The following CES1 variants were observed in gnomAD, a reference collection of about 807,000 sequenced individuals.
CES1 encodes the protein carboxylesterase 1, also known as liver carboxylesterase 1.
In CES1, 50 loss-of-function variants were observed where a neutral mutation model predicts 53.0. That is an observed-to-expected ratio of 0.94 (90% confidence interval 0.75 to 1.19). CES1 has a LOEUF of 1.19. Ranked by LOEUF, CES1 falls within the 50% of genes most tolerant of loss-of-function variation. The pLI is 0.00. For missense variants in CES1, 534 were observed against 538.0 expected (o/e 0.99, Z 0.07); for synonymous variants, 202 against 210.1 (o/e 0.96, Z 0.33).
chr16:55,813,108 C>T (rs1478419809), intron 8 of CES1, 65 bp from the exon 9 acceptor site: 39 of 1,606,560 alleles, frequency 2.4e-5, no homozygotes, highest in Non-Finnish European at 2.8e-5. Flanking sequence ...CCCAACTCTG[C>T]CTGTCTGAGG....
intron 3 of CES1, among the ~76,000 whole-genome samples, chr16:55,825,119 C>T (rs1456800162): frequency 6.6e-6 from 1 of 152,220 alleles, no homozygotes; most frequent in African/African-American, 2.4e-5. Flanking sequence ...CATGTTCCTC[C>T]TTTCCCTGAA....
At chr16:55,832,745 G>C (rs184481080) in intron 1 of CES1, among the ~76,000 whole-genome samples, 217 of 152,322 alleles carry the variant, frequency 1.4e-3, no homozygotes, top group South Asian at 4.1e-3. Flanking sequence ...TCGTGTGTGC[G>C]GCCTGAGGTG....
chr16:55,816,805 G>A (rs1453627255), intron 8 of CES1, 119 bp downstream of exon 8: 9 of 1,282,166 alleles, frequency 7.0e-6, no homozygotes, highest in African/African-American at 1.5e-5. Flanking sequence ...CTGGGCCTCA[G>A]AAACAAACAC....
chr16:55,814,298 G>A (rs2142321746), intron 8 of CES1, among the ~76,000 whole-genome samples: 1 of 152,332 alleles, frequency 6.6e-6, no homozygotes, highest in African/African-American at 2.4e-5. Context: ...ACAGATTAGA[G>A]AGAGCCCAAC....
intron 1 of CES1, among the ~76,000 whole-genome samples, chr16:55,830,493 A>T (rs1179705233): frequency 2.6e-5 from 4 of 152,170 alleles, no homozygotes; most frequent in Non-Finnish European, 5.9e-5. Context: ...AAATATGATG[A>T]TGTCTAAAAG....
intron 4 of CES1, among the ~76,000 whole-genome samples, chr16:55,822,106 T>C (rs59132516): frequency 0.64 from 96,291 of 151,570 alleles, 33,221 homozygotes; most frequent in Non-Finnish European, 0.79. Context: ...TGAAAGAAAG[T>C]GTGAGTCAGG....
At chr16:55,808,618 C>A (rs1270532053) in intron 11 of CES1, among the ~76,000 whole-genome samples, 1 of 152,142 alleles carries the variant, frequency 6.6e-6, no homozygotes, top group African/African-American at 2.4e-5. Context: ...TTATTTACTT[C>A]TAAAAATAAT....
At chr16:55,809,276 A>C (rs1366436587) in intron 11 of CES1, among the ~76,000 whole-genome samples, 1 of 152,204 alleles carries the variant, frequency 6.6e-6, no homozygotes, top group Admixed American at 6.5e-5. Context: ...TCTTGGTTAA[A>C]GGTTTTTATC....
At chr16:55,829,229 G>A (rs1279370987) in intron 1 of CES1, among the ~76,000 whole-genome samples, 1 of 152,220 alleles carries the variant, frequency 6.6e-6, no homozygotes, top group Non-Finnish European at 1.5e-5. Flanking sequence ...GAGCTACTAG[G>A]AAAGAACAAG....
Position 55,810,919 on chromosome 16 carries a change from A to G in CES1, c.1170+8T>C, listed in dbSNP as rs757041040. On this transcript the variant is annotated splice_region_variant and intron_variant, in intron 10 of 13. Coordinates refer to ENST00000360526, the MANE Select transcript of CES1 (RefSeq NM_001025195.2). The stretch of plus-strand genomic sequence containing the variant: ...CTCAGCCAATTCCCATGATTCCTAG[A>G]CTCTTACAACAAGGGGATAGGACTT... The G allele has an allele frequency of 3.7e-6, 6 of 1,610,794 alleles. No individual in the cohort carries two copies. The highest frequency in any genetic ancestry group is 5.1e-6 in the Non-Finnish European group (6 of 1,177,736).
intron 4 of CES1, among the ~76,000 whole-genome samples, chr16:55,822,194 G>A (rs776719826): frequency 5.9e-5 from 9 of 152,232 alleles, no homozygotes; most frequent in Non-Finnish European, 1.2e-4. Flanking sequence ...GCCCCTGCAG[G>A]GTTTTGTGCA....
rs1388784202 is a variant in CES1, at chr16:55,826,146, C to T, written c.405+5G>A. The T allele has an allele frequency of 1.2e-6, 2 of 1,614,002 alleles. No homozygotes were observed. The highest frequency in any genetic ancestry group is 1.7e-6 in the Non-Finnish European group (2 of 1,179,862). On this transcript the variant is annotated splice_donor_5th_base_variant and intron_variant, in intron 3 of 13. Transcript: ENST00000360526. ...ACGCCTTGACCAGGGGGTCCCACAA[C>T]TTACCGGCAGCCTGTTTTTCTTGGT...
intron 3 of CES1, among the ~76,000 whole-genome samples, chr16:55,825,065 C>G (rs2032362728): frequency 1.3e-5 from 2 of 152,308 alleles, no homozygotes; most frequent in Admixed American, 1.3e-4. Context: ...CTCTACAGCC[C>G]AGAAGGCAAG....
chr16:55,808,959 T>G (rs1480638591), intron 11 of CES1, among the ~76,000 whole-genome samples: 3 of 152,092 alleles, frequency 2.0e-5, no homozygotes. Flanking sequence ...GATACATAGT[T>G]TCTTCTTTTT....
chr16:55,815,004 G>A (rs74019274), intron 8 of CES1, among the ~76,000 whole-genome samples: 2,908 of 152,340 alleles, frequency 0.019, 93 homozygotes, highest in African/African-American at 0.06. Context: ...GGCAGACTAC[G>A]TGGAAGAGAC....
Position 55,816,949 on chromosome 16 carries a change from A to G in CES1, c.920T>C (p.Leu307Pro). 6.2e-7 allele frequency: 1 copy of G among 1,614,172 alleles called. No individual in the cohort carries two copies. Among genetic ancestry groups the G allele is most frequent in the Non-Finnish European group, 8.5e-7 (1 of 1,180,006 alleles). Residue 307 changes from leucine (L) to proline (P), a missense_variant, in exon 8 of 14, where the codon CTG becomes CCG. By Grantham distance (98) the Leu-to-Pro change is moderately conservative. This residue lies in a region of CES1 where 269 missense variants were observed against 206.6 expected (regional missense o/e 1.30). Coordinates refer to ENST00000360526, the MANE Select transcript of CES1 (RefSeq NM_001025195.2). ...CTCTCTGGGGTCTCCCTGTAAGTCC[A>G]GAGATAAGAATTTCTGTGAAGACAA... ...ETTLKMKFLS[L>P]DLQGDPRESQ...
intron 3 of CES1, among the ~76,000 whole-genome samples, 198 bp downstream of exon 3, chr16:55,825,953 C>T (rs1451001862): frequency 2.6e-5 from 4 of 152,208 alleles, no homozygotes; most frequent in African/African-American, 9.7e-5. Flanking sequence ...GCAAAACAAA[C>T]TCCCCCAGAG....
At chr16:55,829,564 G>A (rs1166385401) in intron 1 of CES1, among the ~76,000 whole-genome samples, 1 of 152,256 alleles carries the variant, frequency 6.6e-6, no homozygotes, top group African/African-American at 2.4e-5. Context: ...ACACAGCAGA[G>A]AGAAGGGAAT....
At position 55,823,160 on chromosome 16, in the gene CES1, T is replaced by G. The variant is rs546158494; in HGVS notation, c.539+390A>C. 7.9e-5 allele frequency among the ~76,000 whole-genome samples: 12 copies of G among 151,578 alleles called. No individual in the cohort carries two copies. In the East Asian group the frequency reaches 2.1e-3, roughly 27 times the overall value. On this transcript the variant is annotated intron_variant, in intron 4 of 13. Coordinates refer to ENST00000360526, the MANE Select transcript of CES1 (RefSeq NM_001025195.2). Reference sequence around the variant, plus strand: ...TCTGTGACTCTGCCCCTTCCCTCCTTTCCATGAGAAGTCAGATGTGTCAAC... The same window carrying G: ...TCTGTGACTCTGCCCCTTCCCTCCTGTCCATGAGAAGTCAGATGTGTCAAC...
Sources: allele counts gnomAD v4.1 joint callset (sites outside exome capture counted in the v4.1 genomes callset), GRCh38; gene constraint gnomAD v4.1.1; regional missense constraint gnomAD v4.1.1; transcripts MANE v1.5; gene names NCBI Gene and HGNC (gene_info 2026-07-23, HGNC 2026-07-21).